Variants in TBC1D32 observed in about 807,000 individuals in gnomAD.
TBC1D32 encodes the protein protein broad-minded.
In TBC1D32, 151 loss-of-function variants were observed where a neutral mutation model predicts 170.3. The ratio of observed to expected loss-of-function variants is 0.89; its 90% confidence interval spans 0.78 to 1.01. The LOEUF is 1.01. Among genes scored for constraint, TBC1D32 ranks in the 50% least tolerant of loss-of-function variants. TBC1D32 has a pLI of 0.00. For missense variants in TBC1D32, 1,464 were observed against 1,457.1 expected, an observed-to-expected ratio of 1.00 and a Z score of -0.08; for synonymous variants, 498 against 488.0, an observed-to-expected ratio of 1.02 and a Z score of -0.27.
intron 15 of TBC1D32, among the ~76,000 whole-genome samples, chr6:121,272,945 T>G (rs1279130947): frequency 1.3e-5 from 2 of 152,080 alleles, no homozygotes; most frequent in Non-Finnish European, 2.9e-5. Flanking sequence ...ACGGATGAGT[T>G]CATGTCCTTT....
rs137998279 is a variant in TBC1D32, at chr6:121,130,460, C to T, written c.2899+1167G>A. Among the ~76,000 whole-genome samples the T allele has an allele frequency of 8.7e-3, 1,330 of 152,146 alleles. 21 individuals carry two copies. Among genetic ancestry groups the T allele is most frequent in the African/African-American group, 0.03 (1,243 of 41,518 alleles). ...TCGCACCATGGCACTCCAGCCTGGACGACAGAGCAAGACTCTGTCTCAAAA... is the reference window on the plus strand; with the variant it reads ...TCGCACCATGGCACTCCAGCCTGGATGACAGAGCAAGACTCTGTCTCAAAA... On this transcript the variant is annotated intron_variant, in intron 25 of 31. Coordinates refer to ENST00000398212, the MANE Select transcript of TBC1D32 (RefSeq NM_152730.6).
At chr6:121,262,241 G>C (rs1583451528) in intron 15 of TBC1D32, among the ~76,000 whole-genome samples, 1 of 152,004 alleles carries the variant, frequency 6.6e-6, no homozygotes. Context: ...CAACCTAGCA[G>C]GACAGGCCAA....
intron 21 of TBC1D32, among the ~76,000 whole-genome samples, chr6:121,220,727 A>G (rs895204801): frequency 2.2e-5 from 3 of 139,482 alleles, no homozygotes; most frequent in African/African-American, 8.3e-5. Flanking sequence ...TGCGACCTCT[A>G]CCTCCCAGGT....
At chr6:121,150,011 C>T (rs1463336800) in intron 24 of TBC1D32, among the ~76,000 whole-genome samples, 1 of 151,690 alleles carries the variant, frequency 6.6e-6, no homozygotes, top group Non-Finnish European at 1.5e-5. Context: ...TTTATACCCT[C>T]TCTTGCTAGA....
At chr6:121,122,941 G>C (rs1175465456) in intron 26 of TBC1D32, among the ~76,000 whole-genome samples, 1 of 152,054 alleles carries the variant, frequency 6.6e-6, no homozygotes, top group Non-Finnish European at 1.5e-5. Flanking sequence ...ATGATAATAA[G>C]CTGAGACTTT....
intron 4 of TBC1D32, among the ~76,000 whole-genome samples, chr6:121,309,788 C>T (rs1807889545): frequency 6.6e-6 from 1 of 152,126 alleles, no homozygotes; most frequent in Non-Finnish European, 1.5e-5. Context: ...AATCCCAGCA[C>T]TTTGGGAGGC....
rs1775488198 is a variant in TBC1D32, at chr6:121,080,018, A to G, written c.*753T>C. ...GTAAATAGTATCATTGTTCTTCCAC[A>G]TGTAAAAGAAGCAGCTGTAGTTTTA... is the stretch of plus-strand genomic sequence containing the variant. On this transcript the variant is annotated 3_prime_UTR_variant, in exon 32 of 32. Coordinates refer to ENST00000398212, the MANE Select transcript of TBC1D32 (RefSeq NM_152730.6). The G allele has an allele frequency of 6.6e-6, 1 of 152,166 alleles. No individual in the cohort carries two copies. The highest frequency in any genetic ancestry group is 1.5e-5 in the Non-Finnish European group (1 of 68,032). 9.4% of individuals were successfully genotyped at this position (152,166 alleles called of 1,614,324 possible).
chr6:121,161,193 T>C, intron 22 of TBC1D32, 137 bp from the exon 23 acceptor site: 1 of 692,644 alleles, frequency 1.4e-6, no homozygotes, highest in South Asian at 2.0e-5. Flanking sequence ...GCATTTAGCA[T>C]TTATATAATT....
intron 19 of TBC1D32, 58 bp from the exon 20 acceptor site, chr6:121,239,246 G>A: frequency 2.9e-6 from 3 of 1,039,896 alleles, no homozygotes; most frequent in Non-Finnish European, 4.4e-6. Context: ...GGATTATGAA[G>A]GAAAGATATG....
chr6:121,272,195 G>A (rs1801544849), intron 15 of TBC1D32, among the ~76,000 whole-genome samples: 1 of 152,066 alleles, frequency 6.6e-6, no homozygotes, highest in Admixed American at 6.6e-5. Flanking sequence ...ACATAGACAT[G>A]GGCAAGGACT....
chr6:121,202,279 G>GA (rs59539189), intron 22 of TBC1D32, among the ~76,000 whole-genome samples: 9,360 of 113,938 alleles, frequency 0.082, 737 homozygotes, highest in African/African-American at 0.21. Context: ...ACTAGAGAAT[G>GA]AAAAAAAAAA....
At chr6:121,196,581 A>C (rs1313619781) in intron 22 of TBC1D32, among the ~76,000 whole-genome samples, 1 of 152,212 alleles carries the variant, frequency 6.6e-6, no homozygotes, top group Admixed American at 6.5e-5. Flanking sequence ...ATGGTATTAC[A>C]CACAGCATTG....
At chr6:121,285,881 C>G (rs1803732955) in intron 12 of TBC1D32, among the ~76,000 whole-genome samples, 1 of 152,198 alleles carries the variant, frequency 6.6e-6, no homozygotes, top group Non-Finnish European at 1.5e-5. Context: ...CAAACAGGGT[C>G]TGGAGTGGAC....
chr6:121,097,680 A>G (rs1262426473), intron 30 of TBC1D32, among the ~76,000 whole-genome samples: 3 of 152,196 alleles, frequency 2.0e-5, no homozygotes, highest in African/African-American at 7.2e-5. Flanking sequence ...TGACCCAGCC[A>G]TCCCATTACT....
At chr6:121,274,563 C>G (rs1801971351) in intron 15 of TBC1D32, among the ~76,000 whole-genome samples, 1 of 150,386 alleles carries the variant, frequency 6.6e-6, no homozygotes, top group African/African-American at 2.4e-5. Context: ...CATGAATCTT[C>G]AAATTTACAA....
At chr6:121,321,591 T>C in intron 2 of TBC1D32, 42 bp downstream of exon 2, 2 of 1,581,622 alleles carry the variant, frequency 1.3e-6, no homozygotes, top group Non-Finnish European at 1.7e-6. Context: ...AGACGTCTTG[T>C]TGAAGAAGGT....
At chr6:121,093,277 T>C (rs1006820879) in intron 30 of TBC1D32, among the ~76,000 whole-genome samples, 10 of 152,140 alleles carry the variant, frequency 6.6e-5, no homozygotes, top group African/African-American at 2.4e-4. Context: ...AATATGGCTC[T>C]AGTGGACTGA....
chr6:121,270,730 A>G (rs1195937089), intron 15 of TBC1D32, among the ~76,000 whole-genome samples: 2 of 152,180 alleles, frequency 1.3e-5, no homozygotes, highest in Non-Finnish European at 2.9e-5. Flanking sequence ...CAATCAATAG[A>G]AAAAGAGGGA....
chr6:121,242,770 C>T (rs1797148780), intron 17 of TBC1D32, among the ~76,000 whole-genome samples: 1 of 151,870 alleles, frequency 6.6e-6, no homozygotes, highest in African/African-American at 2.4e-5. Context: ...TATCTCTTTT[C>T]GATTTTCATA....
Sources: gnomAD v4.1 joint callset for allele counts (sites outside exome capture counted in the v4.1 genomes callset) on GRCh38, gnomAD v4.1.1 for gene constraint, MANE v1.5 for transcripts, NCBI Gene and HGNC (gene_info 2026-07-23, HGNC 2026-07-21) for gene names.